Variants in CCDC148 observed in about 807,000 individuals in gnomAD.
CCDC148 encodes the protein coiled-coil domain containing 148.
In CCDC148, 89 loss-of-function variants were observed where a neutral mutation model predicts 85.7. The observed-to-expected ratio is 1.04, with a 90% CI of 0.87 to 1.24. The LOEUF is 1.24. Ranked by LOEUF, CCDC148 falls within the 50% of genes most tolerant of loss-of-function variation. The pLI, the probability that CCDC148 is intolerant of heterozygous loss-of-function variation, is 0.00. For missense variants in CCDC148, 692 were observed against 671.7 expected (o/e 1.03, Z -0.33); for synonymous variants, 230 against 213.9 (o/e 1.08, Z -0.66).
chr2:158,204,076 A>G (rs546995677), intron 11 of CCDC148, among the ~76,000 whole-genome samples: 6 of 152,214 alleles, frequency 3.9e-5, no homozygotes, highest in Non-Finnish European at 8.8e-5. Context: ...TTCTAGTTAG[A>G]TTCCTCTACT....
At chr2:158,406,115 T>C (rs1350194105) in intron 1 of CCDC148, among the ~76,000 whole-genome samples, 1 of 152,062 alleles carries the variant, frequency 6.6e-6, no homozygotes. Flanking sequence ...CTCTCCCAAA[T>C]TGCTGTTCTG....
At chr2:158,290,983 A>T (rs145137307) in intron 9 of CCDC148, among the ~76,000 whole-genome samples, 1 of 151,734 alleles carries the variant, frequency 6.6e-6, no homozygotes, top group Non-Finnish European at 1.5e-5. Context: ...CTCTATCACC[A>T]TCACTCTAGT....
intron 9 of CCDC148, among the ~76,000 whole-genome samples, chr2:158,305,248 A>G (rs1641103982): frequency 1.3e-5 from 2 of 152,196 alleles, no homozygotes; most frequent in African/African-American, 4.8e-5. Context: ...GGTGAAGGAA[A>G]CTATCTCCCT....
At chr2:158,407,664 T>C (rs1422087668) in intron 1 of CCDC148, among the ~76,000 whole-genome samples, 1 of 152,168 alleles carries the variant, frequency 6.6e-6, no homozygotes, top group Non-Finnish European at 1.5e-5. Context: ...ATACTTAGTA[T>C]AGAGCAAAAT....
intron 7 of CCDC148, among the ~76,000 whole-genome samples, chr2:158,331,145 T>C (rs1261934835): frequency 6.6e-6 from 1 of 152,228 alleles, no homozygotes; most frequent in African/African-American, 2.4e-5. Flanking sequence ...TGTGGGCATT[T>C]AGTGCTATAA....
At chr2:158,448,780 T>C (rs1688266720) in intron 1 of CCDC148, among the ~76,000 whole-genome samples, 1 of 152,192 alleles carries the variant, frequency 6.6e-6, no homozygotes, top group African/African-American at 2.4e-5. Flanking sequence ...TTGTCTTCTT[T>C]CTCATGTTAT....
chr2:158,392,003 T>C (rs956003187), intron 1 of CCDC148, among the ~76,000 whole-genome samples: 5 of 152,110 alleles, frequency 3.3e-5, no homozygotes, highest in Admixed American at 1.3e-4. Flanking sequence ...CCTTTCCCCA[T>C]GAGACAGAAA....
rs527929681 is a variant in CCDC148, at chr2:158,424,252, A to G, written c.25+32163T>C. ...AAAGGATTATAAATCATGCTGCTAT[A>G]AAGACACATGCACATGTATGTTTAT... On this transcript the variant is annotated intron_variant, in intron 1 of 13. Coordinates refer to ENST00000283233, the MANE Select transcript of CCDC148 (RefSeq NM_138803.4). Among the ~76,000 whole-genome samples, 7 of 152,318 alleles carry G rather than the reference A, an allele frequency of 4.6e-5. No homozygotes were observed. The South Asian group carries it at 1.2e-3, about 27-fold the overall frequency.
At chr2:158,303,526 G>C (rs983521875) in intron 9 of CCDC148, among the ~76,000 whole-genome samples, 1 of 152,092 alleles carries the variant, frequency 6.6e-6, no homozygotes, top group Non-Finnish European at 1.5e-5. Context: ...CATTTTAAGT[G>C]ACTGAAGAAT....
At position 158,234,335 on chromosome 2, in the gene CCDC148, G is replaced by A. The variant is rs1452674482; in HGVS notation, c.1252-13622C>T. 2.0e-5 allele frequency among the ~76,000 whole-genome samples: 3 copies of A among 152,088 alleles called. No individual in the cohort carries two copies. The East Asian group carries it at 5.8e-4, about 29-fold the overall frequency. On this transcript the variant is annotated intron_variant, in intron 10 of 13. Transcript: ENST00000283233. The stretch of plus-strand genomic sequence containing the variant: ...CCTGCCTGGTTATTTGAACTTAATG[G>A]ATCTCCTTTCAGTCTGCAATTAAAA...
chr2:158,330,599 A>T (rs574747530), intron 7 of CCDC148, among the ~76,000 whole-genome samples: 2 of 152,214 alleles, frequency 1.3e-5, no homozygotes, highest in South Asian at 2.1e-4. Flanking sequence ...GCTCCTCCTT[A>T]TACCTCTGGT....
In CCDC148 at chr2:158,387,288, T is replaced by TTATCTATATCTATATCTATATCTA. The variant is rs3080062; in HGVS notation, c.26-28742_26-28719dup. ...AACACAGGCCCACACATTTATATCA[T>TTATCTATATCTATATCTATATCTA]TATCTATATCTATATCTATATCTAT... On this transcript the variant is annotated intron_variant, in intron 1 of 13. Coordinates refer to ENST00000283233, the MANE Select transcript of CCDC148 (RefSeq NM_138803.4). 2.5e-3 allele frequency among the ~76,000 whole-genome samples: 375 copies of TTATCTATATCTATATCTATATCTA among 150,580 alleles called. 3 individuals are homozygous for TTATCTATATCTATATCTATATCTA. The highest frequency in any genetic ancestry group is 8.8e-3 in the African/African-American group (360 of 40,976).
At chr2:158,454,941 C>A (rs755293454) in intron 1 of CCDC148, among the ~76,000 whole-genome samples, 1 of 152,094 alleles carries the variant, frequency 6.6e-6, no homozygotes, top group African/African-American at 2.4e-5. Context: ...TCTACAATAT[C>A]AAAATAGTCA....
intron 2 of CCDC148, among the ~76,000 whole-genome samples, chr2:158,354,668 A>G (rs1392403461): frequency 1.3e-5 from 2 of 152,050 alleles, no homozygotes; most frequent in Admixed American, 6.6e-5. Flanking sequence ...AACTGGTACC[A>G]TTCCTTCTGA....
intron 7 of CCDC148, among the ~76,000 whole-genome samples, chr2:158,335,258 C>T (rs1682312158): frequency 1.3e-5 from 2 of 152,176 alleles, no homozygotes; most frequent in South Asian, 2.1e-4. Context: ...TACTGCTTTT[C>T]ACAAGCACCT....
intron 1 of CCDC148, among the ~76,000 whole-genome samples, chr2:158,380,007 T>C (rs913338318): frequency 6.6e-6 from 1 of 152,056 alleles, no homozygotes; most frequent in Non-Finnish European, 1.5e-5. Flanking sequence ...AGGCTGGTCT[T>C]GAACTCCTTG....
intron 10 of CCDC148, among the ~76,000 whole-genome samples, chr2:158,247,505 T>C (rs1688614735): frequency 2.0e-5 from 3 of 152,100 alleles, no homozygotes; most frequent in South Asian, 2.1e-4. Flanking sequence ...GAAACTTAAA[T>C]GTCAACCACC....
chr2:158,442,227 A>G (rs2105343532), intron 1 of CCDC148, among the ~76,000 whole-genome samples: 1 of 152,328 alleles, frequency 6.6e-6, no homozygotes, highest in South Asian at 2.1e-4. Flanking sequence ...TGCGGTTTGA[A>G]AGAGCTAAGA....
At chr2:158,189,099 G>A (rs1685296256) in intron 11 of CCDC148, among the ~76,000 whole-genome samples, 2 of 151,806 alleles carry the variant, frequency 1.3e-5, no homozygotes, top group African/African-American at 4.8e-5. Flanking sequence ...AATAACAGAT[G>A]TTGACAAGGT....
Sources: allele counts gnomAD v4.1 joint callset (sites outside exome capture counted in the v4.1 genomes callset), GRCh38; gene constraint gnomAD v4.1.1; transcripts MANE v1.5; gene names NCBI Gene and HGNC (gene_info 2026-07-23, HGNC 2026-07-21).